The following REV3L variants were observed in gnomAD, a reference collection of about 807,000 sequenced individuals.
The protein encoded by REV3L is DNA polymerase zeta catalytic subunit.
A neutral mutation model predicts 299.4 loss-of-function variants in REV3L; 69 were observed. The ratio of observed to expected loss-of-function variants is 0.23; its 90% CI spans 0.19 to 0.28. The LOEUF is 0.28. REV3L is among the 10% of genes least tolerant of loss of function. REV3L has a pLI of 1.00. For missense variants in REV3L, 3,128 were observed against 3,693.8 expected (o/e 0.85, Z 3.97); for synonymous variants, 1,238 against 1,271.4 (o/e 0.97, Z 0.56).
chr6:111,347,628 TGAC>T (rs767390472), intron 20 of REV3L, among the ~76,000 whole-genome samples: 13 of 152,218 alleles, frequency 8.5e-5, no homozygotes, highest in Non-Finnish European at 1.6e-4. Flanking sequence ...ACATTTTAGT[TGAC>T]ATTATCCAAA....
Position 111,405,463 on chromosome 6 carries a change from A to G in REV3L, c.565+7T>C. ...AAAAATTTAATTTGACTGAAAATTA[A>G]CCTTACTTTTCCTTCTTGCTTTTCG... On this transcript the variant is annotated splice_region_variant and intron_variant, in intron 4 of 31. Coordinates refer to ENST00000368802, the MANE Select transcript of REV3L (RefSeq NM_001372078.1). The G allele has an allele frequency of 1.1e-5, 17 of 1,587,614 alleles. No homozygotes were observed. The highest frequency in any genetic ancestry group is 1.3e-5 in the Non-Finnish European group (15 of 1,169,432).
At chr6:111,441,523 T>C (rs1174719342) in intron 1 of REV3L, among the ~76,000 whole-genome samples, 1 of 152,198 alleles carries the variant, frequency 6.6e-6, no homozygotes, top group African/African-American at 2.4e-5. Context: ...AGTGCTGAGA[T>C]TACAGGTGCG....
chr6:111,453,044 T>C (rs948427929), intron 1 of REV3L, among the ~76,000 whole-genome samples: 5 of 152,084 alleles, frequency 3.3e-5, no homozygotes, highest in African/African-American at 1.2e-4. Flanking sequence ...AACCATTCAA[T>C]AATAAGAACA....
At chr6:111,440,938 T>C (rs1390829103) in intron 1 of REV3L, among the ~76,000 whole-genome samples, 1 of 152,236 alleles carries the variant, frequency 6.6e-6, no homozygotes, top group African/African-American at 2.4e-5. Flanking sequence ...TTGCTTGCAT[T>C]GTTTGTGAAC....
chr6:111,462,869 C>T (rs926448294), intron 1 of REV3L, among the ~76,000 whole-genome samples: 8 of 151,916 alleles, frequency 5.3e-5, no homozygotes, highest in South Asian at 2.1e-4. Context: ...TACAACACCC[C>T]GTTAGGCCTA....
At chr6:111,325,894 T>G (rs575473080) in intron 25 of REV3L, among the ~76,000 whole-genome samples, 1 of 152,362 alleles carries the variant, frequency 6.6e-6, no homozygotes, top group East Asian at 1.9e-4. Context: ...ATTTTTGTAC[T>G]CATTAATCAT....
At chr6:111,459,712 T>C (rs534912962) in intron 1 of REV3L, among the ~76,000 whole-genome samples, 8 of 151,852 alleles carry the variant, frequency 5.3e-5, no homozygotes, top group Non-Finnish European at 1.2e-4. Flanking sequence ...AAAATCACAA[T>C]TGAAATACCA....
At chr6:111,308,697 A>T (rs1016782176) in intron 30 of REV3L, among the ~76,000 whole-genome samples, 3 of 152,156 alleles carry the variant, frequency 2.0e-5, no homozygotes, top group African/African-American at 7.2e-5. Flanking sequence ...TTAGACATTC[A>T]TTTCGAAGGA....
At chr6:111,333,505 G>A (rs1250859237) in intron 22 of REV3L, 138 bp from the exon 23 acceptor site, 9 of 1,112,868 alleles carry the variant, frequency 8.1e-6, no homozygotes, top group Admixed American at 2.8e-5. Context: ...ACAGTGTTTC[G>A]CTCTTGTTGC....
intron 2 of REV3L, among the ~76,000 whole-genome samples, chr6:111,414,771 A>AT (rs1418304536): frequency 6.6e-6 from 1 of 152,088 alleles, no homozygotes; most frequent in Non-Finnish European, 1.5e-5. Flanking sequence ...GTCAACCTTG[A>AT]TTCCTCTCTC....
intron 1 of REV3L, among the ~76,000 whole-genome samples, chr6:111,474,988 T>TATATACACAC (rs151075609): frequency 0.026 from 3,735 of 145,836 alleles, 110 homozygotes; most frequent in African/African-American, 0.071. Context: ...TGCCTATATA[T>TATATACACAC]ACACACACAC....
intron 31 of REV3L, among the ~76,000 whole-genome samples, chr6:111,306,215 G>A (rs1257413940): frequency 6.6e-6 from 1 of 152,156 alleles, no homozygotes; most frequent in African/African-American, 2.4e-5. Flanking sequence ...CCAGTCCAGA[G>A]GTTTCAGCTG....
chr6:111,376,513 G>T lies in REV3L; in HGVS notation c.1842C>A (p.Val614=). The change falls in exon 13 of 32, where the codon GTC becomes GTA. Residue 614 remains valine, a synonymous_variant. Coordinates refer to ENST00000368802, the MANE Select transcript of REV3L (RefSeq NM_001372078.1). Reference sequence around the variant, plus strand: ...AAGTGCTTTCGTTTGTAAAAGAAGTGACTGAGTTATCTAGACCTTTTTCTG... The same window carrying T: ...AAGTGCTTTCGTTTGTAAAAGAAGTTACTGAGTTATCTAGACCTTTTTCTG... The part of the protein sequence containing the change: ...KNTEKGLDNS[V]TSFTNESTYS... 1 of 1,612,934 alleles carries T rather than the reference G, an allele frequency of 6.2e-7. No individual in the cohort carries two copies. The highest frequency in any genetic ancestry group is 1.1e-5 in the South Asian group (1 of 90,796).
chr6:111,449,641 C>G (rs1057438895), intron 1 of REV3L, among the ~76,000 whole-genome samples: 1 of 152,148 alleles, frequency 6.6e-6, no homozygotes, highest in African/African-American at 2.4e-5. Flanking sequence ...AGATGGGCAA[C>G]ATTAGCCCTA....
chr6:111,416,123 A>G (rs1381635878), intron 2 of REV3L, among the ~76,000 whole-genome samples, 160 bp downstream of exon 2: 7 of 152,230 alleles, frequency 4.6e-5, no homozygotes, highest in Non-Finnish European at 7.3e-5. Flanking sequence ...TCTACCTTTC[A>G]TTGCCATAAA....
chr6:111,377,795 T>C lies in REV3L; in HGVS notation c.1503A>G (p.Ser501=), dbSNP rs758341881. 3.1e-6 allele frequency: 5 copies of C among 1,613,442 alleles called. No homozygotes were observed. In the Admixed American group the frequency reaches 8.3e-5, roughly 27 times the overall value. ...THRSSTEDDD[S]SSGEEMEWSD... ...TCCATTCCATTTCTTCTCCTGAAGA[T>C]GAGTCATCATCTTCAGTTGAACTTC... is the stretch of plus-strand genomic sequence containing the variant. The change falls in exon 12 of 32, where the codon TCA becomes TCG. Residue 501 remains serine (S), a synonymous_variant. Coordinates refer to ENST00000368802, the MANE Select transcript of REV3L (RefSeq NM_001372078.1).
intron 1 of REV3L, among the ~76,000 whole-genome samples, chr6:111,419,400 T>C (rs1011430712): frequency 6.6e-6 from 1 of 152,062 alleles, no homozygotes; most frequent in African/African-American, 2.4e-5. Flanking sequence ...ATAGTATGTC[T>C]TTTATTACCA....
chr6:111,464,366 A>G (rs1245384705), intron 1 of REV3L, among the ~76,000 whole-genome samples: 1 of 152,218 alleles, frequency 6.6e-6, no homozygotes, highest in Non-Finnish European at 1.5e-5. Context: ...ACTGGCAAAC[A>G]CTAGGCTTGG....
chr6:111,380,239 A>C lies in REV3L; in HGVS notation c.1217-20T>G. Reference sequence around the variant, plus strand: ...TGTCCACTATAAAACAAGTACAATAATCACCAACAAATAAGTTTTCTTTTT... The same window carrying C: ...TGTCCACTATAAAACAAGTACAATACTCACCAACAAATAAGTTTTCTTTTT... On this transcript the variant is annotated intron_variant, in intron 10 of 31. Coordinates refer to ENST00000368802, the MANE Select transcript of REV3L (RefSeq NM_001372078.1). 6.6e-7 allele frequency: 1 copy of C among 1,507,176 alleles called. No homozygotes were observed. The highest frequency in any genetic ancestry group is 9.1e-7 in the Non-Finnish European group (1 of 1,095,058). 93.4% of individuals were successfully genotyped at this position (1,507,176 alleles called of 1,614,324 possible).
Sources: allele counts gnomAD v4.1 joint callset (sites outside exome capture counted in the v4.1 genomes callset), GRCh38; gene constraint gnomAD v4.1.1; transcripts MANE v1.5; gene names NCBI Gene and HGNC (gene_info 2026-07-23, HGNC 2026-07-21).